NYAP2: variants seen among roughly 807,000 people sequenced by gnomAD.
The protein encoded by NYAP2 is neuronal tyrosine-phosphorylated phosphoinositide-3-kinase adaptor 2.
NYAP2 carries 23 observed loss-of-function variants against 50.4 expected under a neutral mutation model. The ratio of observed to expected loss-of-function variants is 0.46; its 90% CI spans 0.33 to 0.65. The LOEUF (loss-of-function observed/expected upper bound fraction) is 0.65, where lower values mean the gene tolerates loss of function less well. Among genes scored for constraint, NYAP2 ranks in the 30% least tolerant of loss-of-function variants. The pLI is 0.02. For missense variants in NYAP2, 885 were observed against 861.0 expected (o/e 1.03, Z -0.35); for synonymous variants, 394 against 365.2 (o/e 1.08, Z -0.90).
intron 4 of NYAP2, among the ~76,000 whole-genome samples, chr2:225,532,270 G>A: frequency 6.6e-6 from 1 of 152,072 alleles, no homozygotes; most frequent in South Asian, 2.1e-4. Context: ...ATTTTTTAAG[G>A]TGGAGTGACT....
chr2:225,462,940 C>G (rs535601104), intron 3 of NYAP2, among the ~76,000 whole-genome samples: 1 of 152,306 alleles, frequency 6.6e-6, no homozygotes, highest in African/African-American at 2.4e-5. Context: ...TGTCTATGTA[C>G]TAATGATCTG....
chr2:225,567,812 G>T (rs187024048), intron 4 of NYAP2, among the ~76,000 whole-genome samples: 152 of 152,224 alleles, frequency 1.0e-3, no homozygotes, highest in African/African-American at 3.5e-3. Flanking sequence ...CCAGAGTGAA[G>T]GGCATATGAA....
At chr2:225,540,011 A>C (rs1482334395) in intron 4 of NYAP2, among the ~76,000 whole-genome samples, 2 of 152,174 alleles carry the variant, frequency 1.3e-5, no homozygotes, top group African/African-American at 4.8e-5. Flanking sequence ...CTTAGCTAAA[A>C]CATAACAAGC....
At chr2:225,536,784 TC>T (rs1440731849) in intron 4 of NYAP2, among the ~76,000 whole-genome samples, 1 of 151,696 alleles carries the variant, frequency 6.6e-6, no homozygotes, top group Non-Finnish European at 1.5e-5. Context: ...CTTTTTTCTT[TC>T]TTTTTTTTTT....
At chr2:225,608,468 A>G (rs1347712334) in intron 5 of NYAP2, among the ~76,000 whole-genome samples, 1 of 152,098 alleles carries the variant, frequency 6.6e-6, no homozygotes, top group South Asian at 2.1e-4. Context: ...CTTGAAAATA[A>G]ATACAAACTC....
chr2:225,443,961 A>ATTCCT (rs1231391214), intron 3 of NYAP2, among the ~76,000 whole-genome samples: 1 of 152,188 alleles, frequency 6.6e-6, no homozygotes, highest in African/African-American at 2.4e-5. Context: ...AGTTTTATAC[A>ATTCCT]TTCCTTTGCA....
intron 4 of NYAP2, among the ~76,000 whole-genome samples, chr2:225,573,281 T>C (rs1692107976): frequency 6.6e-6 from 1 of 150,776 alleles, no homozygotes; most frequent in Non-Finnish European, 1.5e-5. Context: ...GACAAAATTC[T>C]GTTCTTGTCA....
At chr2:225,512,835 C>CTTTCTTTCTTTCTTTCTT (rs1420137730) in intron 3 of NYAP2, among the ~76,000 whole-genome samples, 3 of 58,818 alleles carry the variant, frequency 5.1e-5, no homozygotes, top group African/African-American at 1.6e-4. Flanking sequence ...CTCTCTCTCT[C>CTTTCTTTCTTTCTTTCTT]TCTTTCTTTC....
intron 3 of NYAP2, among the ~76,000 whole-genome samples, chr2:225,490,812 T>TTATTAGTTTCCGTGACC (rs1411350252): frequency 6.6e-6 from 1 of 152,240 alleles, no homozygotes; most frequent in Non-Finnish European, 1.5e-5. Flanking sequence ...TTAAACTTTG[T>TTATTAGTTTCCGTGACC]TATTAGTTTC....
intron 4 of NYAP2, among the ~76,000 whole-genome samples, chr2:225,551,067 C>T (rs1381975554): frequency 6.6e-6 from 1 of 152,142 alleles, no homozygotes; most frequent in Admixed American, 6.6e-5. Context: ...TTTCCAATTC[C>T]CATAACGGGT....
chr2:225,661,192 A>G, the NYAP2 span, among the ~76,000 whole-genome samples: 2 of 152,320 alleles, frequency 1.3e-5, no homozygotes, highest in African/African-American at 4.8e-5. Context: ...GGGTAAATTT[A>G]CCTCCAACTT....
In NYAP2 at chr2:225,464,588, CAG is replaced by C. The variant is rs1208330399; in HGVS notation, c.222-48782_222-48781del. ...GCTCACTTCCCGGCCATTGCAGGGA[CAG>C]GGGCTTGTGGATCCATGGTTACCAG... On this transcript the variant is annotated intron_variant, in intron 3 of 6. Transcript: ENST00000636099. Among the ~76,000 whole-genome samples, 5 of 152,190 alleles carry C rather than the reference CAG, an allele frequency of 3.3e-5. No individual in the cohort carries two copies. In the East Asian group the frequency reaches 9.6e-4, roughly 29 times the overall value.
chr2:225,470,732 G>T (rs968639123), intron 3 of NYAP2, among the ~76,000 whole-genome samples: 2 of 152,112 alleles, frequency 1.3e-5, no homozygotes, highest in Non-Finnish European at 2.9e-5. Context: ...ACACATGATT[G>T]CATTGGCTTG....
At chr2:225,613,314 A>G (rs1692931989) in intron 5 of NYAP2, among the ~76,000 whole-genome samples, 1 of 152,128 alleles carries the variant, frequency 6.6e-6, no homozygotes, top group Non-Finnish European at 1.5e-5. Context: ...GAGAAAGATG[A>G]AAGCCAGAAG....
At chr2:225,610,816 C>A (rs1559229320) in intron 5 of NYAP2, among the ~76,000 whole-genome samples, 1 of 152,070 alleles carries the variant, frequency 6.6e-6, no homozygotes, top group African/African-American at 2.4e-5. Context: ...ATTACATGAG[C>A]CTTCTAAACA....
chr2:225,456,471 C>A (rs1689740889), intron 3 of NYAP2, among the ~76,000 whole-genome samples: 1 of 152,158 alleles, frequency 6.6e-6, no homozygotes, highest in Admixed American at 6.5e-5. Flanking sequence ...ACACAAAAAG[C>A]AACTCAACAG....
intron 3 of NYAP2, among the ~76,000 whole-genome samples, chr2:225,424,158 G>A (rs759792269): frequency 2.4e-4 from 36 of 151,958 alleles, no homozygotes; most frequent in African/African-American, 3.1e-4. Context: ...ATTAATTAAC[G>A]TAGATTTTAA....
intron 5 of NYAP2, among the ~76,000 whole-genome samples, chr2:225,609,965 G>T (rs979634811): frequency 6.6e-6 from 1 of 152,130 alleles, no homozygotes. Context: ...CCAAGCAGGT[G>T]TTACTGGGTA....
At chr2:225,693,575 C>A in the NYAP2 span, among the ~76,000 whole-genome samples, 231 of 152,090 alleles carry the variant, frequency 1.5e-3, no homozygotes, top group African/African-American at 5.3e-3. Context: ...ACTGAGAAGT[C>A]CAAGACCAGG....
Sources: allele counts gnomAD v4.1 joint callset (sites outside exome capture counted in the v4.1 genomes callset), GRCh38; gene constraint gnomAD v4.1.1; transcripts MANE v1.5; gene names NCBI Gene and HGNC (gene_info 2026-07-23, HGNC 2026-07-21).